KSR2: variants seen among roughly 807,000 people sequenced by gnomAD.
KSR2 encodes kinase suppressor of ras 2.
A neutral mutation model predicts 107.8 loss-of-function variants in KSR2; 25 were observed. The observed-to-expected ratio is 0.23, with a 90% CI of 0.17 to 0.32. KSR2 has a LOEUF of 0.32. Among genes scored for constraint, KSR2 ranks in the 10% least tolerant of loss-of-function variants. KSR2 has a pLI of 1.00. For missense variants in KSR2, 887 were observed against 1,268.9 expected (o/e 0.70, Z 4.57); for synonymous variants, 480 against 507.0 (o/e 0.95, Z 0.71).
intron 1 of KSR2, among the ~76,000 whole-genome samples, chr12:117,960,814 T>TTC (rs1566101338): frequency 7.0e-6 from 1 of 142,890 alleles, no homozygotes. Context: ...TTTTTTTTTT[T>TTC]CTTGAGACAG....
chr12:117,656,326 G>A (rs1884153800), intron 5 of KSR2, among the ~76,000 whole-genome samples: 1 of 152,194 alleles, frequency 6.6e-6, no homozygotes. Flanking sequence ...AAGGATAGTT[G>A]TGGCCAGGCA....
chr12:117,644,904 C>T (rs1353769614), intron 5 of KSR2, among the ~76,000 whole-genome samples: 1 of 152,116 alleles, frequency 6.6e-6, no homozygotes, highest in African/African-American at 2.4e-5. Flanking sequence ...GCTCAGCATC[C>T]CTATTCTGGT....
Position 117,491,846 on chromosome 12 carries a change from T to A in KSR2, c.2220-6155A>T, listed in dbSNP as rs532921810. 3.9e-5 allele frequency among the ~76,000 whole-genome samples: 6 copies of A among 152,346 alleles called. 1 individual carries two copies. The South Asian group carries it at 1.2e-3, about 32-fold the overall frequency. The stretch of plus-strand genomic sequence containing the variant: ...TCTTTTGCTTCTTAACAACTTTCTC[T>A]GAGTCTCTGGCATGTCATAAGCCCT... On this transcript the variant is annotated intron_variant, in intron 14 of 19. Transcript: ENST00000339824.
chr12:117,524,917 C>T lies in KSR2; in HGVS notation c.2154G>A (p.Arg718=). The T allele has an allele frequency of 6.2e-7, 1 of 1,613,852 alleles. No homozygotes were observed. Among genetic ancestry groups the T allele is most frequent in the Non-Finnish European group, 8.5e-7 (1 of 1,179,828 alleles). ...CCATGAAAAGCACCACGTTCTCATGCCGTGTCTGCCTGTAGGCCATCACCT... is the reference window on the plus strand; with the variant it reads ...CCATGAAAAGCACCACGTTCTCATGTCGTGTCTGCCTGTAGGCCATCACCT... ...KREVMAYRQT[R]HENVVLFMGA... Residue 718 remains arginine (R), a synonymous_variant, in exon 14 of 20, where the codon CGG becomes CGA. Coordinates refer to ENST00000339824, the MANE Select transcript of KSR2 (RefSeq NM_173598.6).
chr12:117,773,633 C>T (rs1262072862), intron 3 of KSR2, among the ~76,000 whole-genome samples: 2 of 152,172 alleles, frequency 1.3e-5, no homozygotes, highest in East Asian at 3.8e-4. Flanking sequence ...CTTCAATGCA[C>T]TTGTTAGTTT....
intron 3 of KSR2, among the ~76,000 whole-genome samples, chr12:117,845,125 G>A (rs1018140591): frequency 4.6e-5 from 7 of 152,178 alleles, no homozygotes; most frequent in African/African-American, 7.2e-5. Flanking sequence ...CAGCCTGGGC[G>A]ACAGAGCGAG....
chr12:117,533,713 T>C (rs1875827663), intron 10 of KSR2, among the ~76,000 whole-genome samples: 1 of 152,208 alleles, frequency 6.6e-6, no homozygotes, highest in South Asian at 2.1e-4. Context: ...GCTCTGACAG[T>C]GATGGGGGAT....
intron 7 of KSR2, among the ~76,000 whole-genome samples, chr12:117,566,402 G>T (rs1193894708): frequency 6.6e-6 from 1 of 152,186 alleles, no homozygotes; most frequent in African/African-American, 2.4e-5. Flanking sequence ...TTACAGGCGT[G>T]AGCCACTGCG....
At chr12:117,729,407 A>T (rs1887571151) in intron 4 of KSR2, among the ~76,000 whole-genome samples, 1 of 152,158 alleles carries the variant, frequency 6.6e-6, no homozygotes, top group East Asian at 1.9e-4. Context: ...AATTACAGGC[A>T]AGGACAACTC....
At chr12:117,944,802 G>C (rs1360896877) in intron 1 of KSR2, among the ~76,000 whole-genome samples, 1 of 151,944 alleles carries the variant, frequency 6.6e-6, no homozygotes. Context: ...AGGATGCAGT[G>C]AGGTATGATC....
intron 1 of KSR2, among the ~76,000 whole-genome samples, chr12:117,905,060 T>C (rs1161316713): frequency 6.6e-6 from 1 of 152,068 alleles, no homozygotes; most frequent in Non-Finnish European, 1.5e-5. Flanking sequence ...TGTGCACCTG[T>C]AGTACCAGCT....
intron 5 of KSR2, among the ~76,000 whole-genome samples, chr12:117,605,928 T>C (rs12305742): frequency 0.014 from 2,173 of 152,250 alleles, 59 homozygotes; most frequent in African/African-American, 0.049. Context: ...AACAAACGGC[T>C]TATTTTATGC....
rs143445779 is a variant in KSR2, at chr12:117,656,242, G to A, written c.1171+11232C>T. Among the ~76,000 whole-genome samples, 394 of 152,162 alleles carry A rather than the reference G, an allele frequency of 2.6e-3. 1 individual carries two copies. Among genetic ancestry groups the A allele is most frequent in the African/African-American group, 8.8e-3 (366 of 41,502 alleles). On this transcript the variant is annotated intron_variant, in intron 5 of 19. Transcript: ENST00000339824. ...ATGTGACATAAGATTTATTGTCTGCGTATCAGCATTTAAGCATTGCTAACT... is the reference window on the plus strand; with the variant it reads ...ATGTGACATAAGATTTATTGTCTGCATATCAGCATTTAAGCATTGCTAACT...
rs529307755 is a variant in KSR2 at position 117,793,500 on chromosome 12, C to A, written c.473-31976G>T. Among the ~76,000 whole-genome samples, 6 of 146,904 alleles carry A rather than the reference C, an allele frequency of 4.1e-5. No homozygotes were observed. The East Asian group carries it at 1.3e-3, about 31-fold the overall frequency. Reference sequence around the variant, plus strand: ...GCACACTCACATCAACATGCACACACCCTTACACCAATATGCACACATACA... The same window carrying A: ...GCACACTCACATCAACATGCACACAACCTTACACCAATATGCACACATACA... On this transcript the variant is annotated intron_variant, in intron 3 of 19. Transcript: ENST00000339824.
intron 5 of KSR2, among the ~76,000 whole-genome samples, chr12:117,664,510 G>A (rs1474901757): frequency 6.6e-6 from 1 of 152,114 alleles, no homozygotes; most frequent in Non-Finnish European, 1.5e-5. Flanking sequence ...ATGGGAATGG[G>A]AACTATTACA....
intron 1 of KSR2, among the ~76,000 whole-genome samples, chr12:117,879,084 C>T (rs191008398): frequency 3.4e-4 from 51 of 152,100 alleles, no homozygotes; most frequent in African/African-American, 9.6e-4. Context: ...AAAAAAAATT[C>T]GTTAGAATTT....
chr12:117,614,989 T>C (rs1878420), intron 5 of KSR2, among the ~76,000 whole-genome samples: 67,820 of 151,736 alleles, frequency 0.45, 16,008 homozygotes, highest in South Asian at 0.68. Context: ...GAAAATCTAT[T>C]CCATGCTCTA....
At chr12:117,967,994 G>A (rs372222014) in intron 1 of KSR2, 82 bp downstream of exon 1, 2 of 1,268,036 alleles carry the variant, frequency 1.6e-6, no homozygotes, top group Non-Finnish European at 2.2e-6. Context: ...AGGGAAAGGG[G>A]ACCGTGGGGA....
In KSR2 at chr12:117,503,782, C is replaced by T. The variant is rs1193695351; in HGVS notation, c.2220-18091G>A. The stretch of plus-strand genomic sequence containing the variant: ...TGACAATTATGGTTGATTGATAGAC[C>T]CCAAAATACAAAGTGAGTGAGGCCA... On this transcript the variant is annotated intron_variant, in intron 14 of 19. Transcript: ENST00000339824. 5.9e-5 allele frequency among the ~76,000 whole-genome samples: 9 copies of T among 152,092 alleles called. No individual in the cohort carries two copies. In the East Asian group the frequency reaches 1.5e-3, roughly 26 times the overall value.
Sources: gnomAD v4.1 joint callset for allele counts (sites outside exome capture counted in the v4.1 genomes callset) on GRCh38, gnomAD v4.1.1 for gene constraint, MANE v1.5 for transcripts, NCBI Gene and HGNC (gene_info 2026-07-23, HGNC 2026-07-21) for gene names.